GPR158: variants seen among roughly 807,000 people sequenced by gnomAD.
The protein encoded by GPR158 is metabotropic glycine receptor.
GPR158 carries 30 observed loss-of-function variants against 78.2 expected under a neutral mutation model. That is an observed-to-expected ratio of 0.38 (90% CI 0.29 to 0.52). GPR158 has a LOEUF of 0.52. Among genes scored for constraint, GPR158 ranks in the 20% least tolerant of loss-of-function variants. GPR158 has a pLI of 0.83. For synonymous variants in GPR158, 581 were observed against 591.1 expected (o/e 0.98, Z 0.25); for missense variants, 1,463 against 1,523.5 (o/e 0.96, Z 0.66).
At chr10:25,597,447 A>G (rs1055365794) in intron 10 of GPR158, among the ~76,000 whole-genome samples, 2 of 152,158 alleles carry the variant, frequency 1.3e-5, no homozygotes, top group African/African-American at 4.8e-5. Context: ...CGTGTCTTAA[A>G]GTCCACACTT....
chr10:25,176,364 C>T lies in GPR158; in HGVS notation c.902+42C>T. On this transcript the variant is annotated intron_variant, in intron 1 of 10. Transcript: ENST00000376351. This position sits in a 1 kb window ranked among gnomAD's most constrained non-coding sequence, Gnocchi z 6.3. ...GGCAGGGGGGAAGGCAAAAGCGAAG[C>T]TTTCCTTCCGGTCTTGTGGGTGGGT... The T allele has an allele frequency of 6.9e-7, 1 of 1,448,574 alleles. No individual in the cohort carries two copies. Among genetic ancestry groups the T allele is most frequent in the South Asian group, 1.4e-5 (1 of 73,830 alleles). The allele number at this position is 1,448,574 out of a possible 1,614,324, so 89.7% of individuals were successfully genotyped here.
At chr10:25,498,247 C>T (rs1835909267) in intron 5 of GPR158, among the ~76,000 whole-genome samples, 1 of 152,174 alleles carries the variant, frequency 6.6e-6, no homozygotes, top group Admixed American at 6.5e-5. Context: ...TAACCACTAT[C>T]CCGACTTCTT....
chr10:25,464,927 T>C (rs1315463779), intron 4 of GPR158, among the ~76,000 whole-genome samples: 2 of 152,232 alleles, frequency 1.3e-5, no homozygotes, highest in Non-Finnish European at 2.9e-5. Context: ...AAAAGCGTCT[T>C]CTATCTAACA....
intron 2 of GPR158, among the ~76,000 whole-genome samples, chr10:25,269,393 T>G (rs979135964): frequency 6.6e-6 from 1 of 152,184 alleles, no homozygotes; most frequent in African/African-American, 2.4e-5. Context: ...AATGGTAAAA[T>G]GAATTTGAAA....
At chr10:25,421,281 C>G (rs1254737296) in intron 4 of GPR158, among the ~76,000 whole-genome samples, 1 of 152,086 alleles carries the variant, frequency 6.6e-6, no homozygotes, top group East Asian at 1.9e-4. Flanking sequence ...TATTATCTTC[C>G]ATAGTCCCAA....
intron 5 of GPR158, among the ~76,000 whole-genome samples, chr10:25,509,919 G>A (rs1414298312): frequency 6.6e-6 from 1 of 152,108 alleles, no homozygotes; most frequent in African/African-American, 2.4e-5. Flanking sequence ...TCACCATGTT[G>A]GCCAGGCTGG....
intron 5 of GPR158, among the ~76,000 whole-genome samples, chr10:25,480,427 T>C (rs531945550): frequency 6.6e-6 from 1 of 152,344 alleles, no homozygotes; most frequent in East Asian, 1.9e-4. Context: ...CCATGGCTAT[T>C]ATCGATTTCC....
Position 25,472,646 on chromosome 10 carries a change from C to T in GPR158, c.1404+5927C>T, listed in dbSNP as rs1039715929. On this transcript the variant is annotated intron_variant, in intron 5 of 10. Transcript: ENST00000376351. ...TGTCCTCTTTTATTTCCTTGAGCAG[C>T]GGTTTGTAGTTCTCCTTGAAGAGGT... 2.0e-3 allele frequency among the ~76,000 whole-genome samples: 308 copies of T among 152,054 alleles called. 2 individuals carry two copies. Among genetic ancestry groups the T allele is most frequent in the Non-Finnish European group, 1.3e-3 (90 of 67,962 alleles).
chr10:25,281,074 G>T (rs1282376275), intron 2 of GPR158, among the ~76,000 whole-genome samples: 5 of 150,634 alleles, frequency 3.3e-5, no homozygotes, highest in African/African-American at 1.2e-4. Flanking sequence ...GGTGGAGGTT[G>T]CAGTGAGCCA....
At chr10:25,374,799 A>C (rs1834053273) in intron 2 of GPR158, among the ~76,000 whole-genome samples, 1 of 151,724 alleles carries the variant, frequency 6.6e-6, no homozygotes, top group Non-Finnish European at 1.5e-5. Flanking sequence ...CCTTTATTCA[A>C]GTGAAGCATG....
At chr10:25,495,528 G>A (rs1037269341) in intron 5 of GPR158, among the ~76,000 whole-genome samples, 1 of 151,786 alleles carries the variant, frequency 6.6e-6, no homozygotes, top group Non-Finnish European at 1.5e-5. Context: ...TCCTGACCTC[G>A]TGATCCACCC....
chr10:25,411,098 TG>T lies in GPR158; in HGVS notation c.1112-1151del, dbSNP rs201349904. Among the ~76,000 whole-genome samples the T allele has an allele frequency of 6.1e-3, 928 of 151,116 alleles. 9 individuals carry two copies. Among genetic ancestry groups the T allele is most frequent in the Non-Finnish European group, 6.7e-3 (455 of 67,594 alleles). On this transcript the variant is annotated intron_variant, in intron 3 of 10. Coordinates refer to ENST00000376351, the MANE Select transcript of GPR158 (RefSeq NM_020752.3). ...GAGTTGGAAATAGTTGTTTCTGTTT[TG>T]TTTTTTTTTTCCTTAGTATTTGGCA...
intron 4 of GPR158, among the ~76,000 whole-genome samples, chr10:25,421,963 A>G (rs1052212249): frequency 2.0e-5 from 3 of 152,206 alleles, no homozygotes; most frequent in East Asian, 3.9e-4. Flanking sequence ...ATTGCTCACT[A>G]TTGGACCTTT....
chr10:25,473,614 T>G (rs1167377596), intron 5 of GPR158, among the ~76,000 whole-genome samples: 1 of 152,168 alleles, frequency 6.6e-6, no homozygotes, highest in Non-Finnish European at 1.5e-5. Context: ...AGGCTATTAA[T>G]ATTGCCTCAA....
At chr10:25,481,219 C>A (rs920839301) in intron 5 of GPR158, among the ~76,000 whole-genome samples, 19 of 151,970 alleles carry the variant, frequency 1.3e-4, no homozygotes, top group African/African-American at 4.6e-4. Flanking sequence ...CAGAGTGTCA[C>A]CCAAGCAGAT....
Position 25,224,125 on chromosome 10 carries a change from G to A in GPR158, c.1008+2968G>A, listed in dbSNP as rs894295768. ...TCTAGGAGGCCACTAAGCATTTTTT[G>A]AAGGACATGTCTTAGTAACTAATCT... is the stretch of plus-strand genomic sequence containing the variant. On this transcript the variant is annotated intron_variant, in intron 2 of 10. Coordinates refer to ENST00000376351, the MANE Select transcript of GPR158 (RefSeq NM_020752.3). 2.6e-5 allele frequency among the ~76,000 whole-genome samples: 4 copies of A among 152,248 alleles called. No individual in the cohort carries two copies. The East Asian group carries it at 7.7e-4, about 29-fold the overall frequency.
intron 2 of GPR158, among the ~76,000 whole-genome samples, chr10:25,365,177 A>T (rs1410788572): frequency 6.6e-6 from 1 of 151,664 alleles, no homozygotes; most frequent in African/African-American, 2.4e-5. Context: ...ATTGTTAAAA[A>T]TTTTTCATGT....
chr10:25,312,077 T>C (rs1046188327), intron 2 of GPR158, among the ~76,000 whole-genome samples: 1 of 152,004 alleles, frequency 6.6e-6, no homozygotes, highest in African/African-American at 2.4e-5. Context: ...AAAATGAGGA[T>C]TTTTTTGTAA....
chr10:25,580,054 A>AT (rs995559133), intron 7 of GPR158, among the ~76,000 whole-genome samples: 2 of 152,174 alleles, frequency 1.3e-5, no homozygotes, highest in African/African-American at 4.8e-5. Context: ...GAGGAGTCTC[A>AT]TGGTTCTGGA....
Sources: allele counts gnomAD v4.1 joint callset (sites outside exome capture counted in the v4.1 genomes callset), GRCh38; gene constraint gnomAD v4.1.1; non-coding constraint Gnocchi (gnomAD v3.1); transcripts MANE v1.5; gene names NCBI Gene and HGNC (gene_info 2026-07-23, HGNC 2026-07-21).